Variants in LRP6 observed in about 807,000 individuals in gnomAD.
LRP6 encodes the protein low-density lipoprotein receptor-related protein 6.
In LRP6, 43 loss-of-function variants were observed where a neutral mutation model predicts 184.1. That is an observed-to-expected ratio of 0.23 (90% CI 0.18 to 0.30). LRP6 has a LOEUF of 0.30. LRP6 is among the 10% of genes least tolerant of loss of function. The pLI, the probability that LRP6 is intolerant of heterozygous loss-of-function variation, is 1.00. For missense variants in LRP6, 1,571 were observed against 2,005.3 expected (o/e 0.78, Z 4.14); for synonymous variants, 719 against 684.9 (o/e 1.05, Z -0.78).
At chr12:12,215,787 G>A (rs1565661464) in intron 2 of LRP6, among the ~76,000 whole-genome samples, 1 of 151,790 alleles carries the variant, frequency 6.6e-6, no homozygotes, top group Non-Finnish European at 1.5e-5. Context: ...CAAGGTGGGA[G>A]GATCACCTGA....
At chr12:12,248,564 G>A (rs890699555) in intron 1 of LRP6, among the ~76,000 whole-genome samples, 6 of 139,364 alleles carry the variant, frequency 4.3e-5, no homozygotes, top group African/African-American at 1.6e-4. Context: ...TCACTGCAAG[G>A]TCCGCCTCCC....
At chr12:12,211,704 T>C (rs1864215819) in intron 2 of LRP6, among the ~76,000 whole-genome samples, 1 of 152,184 alleles carries the variant, frequency 6.6e-6, no homozygotes, top group Non-Finnish European at 1.5e-5. Flanking sequence ...AAGAACCTCA[T>C]GAACAGCCTT....
At position 12,164,369 on chromosome 12, in the gene LRP6, A is replaced by G; in HGVS notation, c.1956T>C (p.Asn652=). 1 of 1,614,148 alleles carries G rather than the reference A, an allele frequency of 6.2e-7. No individual in the cohort carries two copies. The highest frequency in any genetic ancestry group is 1.1e-5 in the South Asian group (1 of 91,072). The change falls in exon 9 of 23, where the codon AAT becomes AAC. Residue 652 remains asparagine, a synonymous_variant. Transcript: ENST00000261349. Reference sequence around the variant, plus strand: ...CACCAGTGAGTGGAATAGCCACATTATTATTGTTTGTTTCCAGAGAAATTC... The same window carrying G: ...CACCAGTGAGTGGAATAGCCACATTGTTATTGTTTGTTTCCAGAGAAATTC... The part of the protein sequence containing the change: ...IRRISLETNN[N]NVAIPLTGVK...
At chr12:12,168,812 G>C (rs769059406) in intron 7 of LRP6, among the ~76,000 whole-genome samples, 1 of 152,198 alleles carries the variant, frequency 6.6e-6, no homozygotes, top group East Asian at 1.9e-4. Context: ...TTGTATTCCT[G>C]AATTCAGACT....
At chr12:12,183,849 G>C in intron 5 of LRP6, 131 bp downstream of exon 5, 1 of 757,096 alleles carries the variant, frequency 1.3e-6, no homozygotes, top group Non-Finnish European at 2.3e-6. Flanking sequence ...CTATAACCAT[G>C]TGTGAAGACT....
At chr12:12,167,868 A>G (rs1862930281) in intron 7 of LRP6, among the ~76,000 whole-genome samples, 1 of 152,166 alleles carries the variant, frequency 6.6e-6, no homozygotes, top group African/African-American at 2.4e-5. Context: ...CATAAATATA[A>G]AAGAATATAT....
chr12:12,145,802 C>T (rs1479930736), intron 15 of LRP6, among the ~76,000 whole-genome samples: 1 of 151,446 alleles, frequency 6.6e-6, no homozygotes, highest in Non-Finnish European at 1.5e-5. Flanking sequence ...TGGCTATTTT[C>T]TGTATTTTTA....
intron 8 of LRP6, 42 bp downstream of exon 8, chr12:12,165,037 A>G: frequency 6.7e-7 from 1 of 1,502,106 alleles, no homozygotes; most frequent in Non-Finnish European, 9.2e-7. Context: ...ATCTTTTTTC[A>G]TTCCTGGTTC....
chr12:12,188,435 A>G (rs574279193), intron 3 of LRP6, among the ~76,000 whole-genome samples: 29 of 152,272 alleles, frequency 1.9e-4, no homozygotes, highest in African/African-American at 6.7e-4. Context: ...AAGAGAAATT[A>G]AAAGTATCAT....
intron 1 of LRP6, among the ~76,000 whole-genome samples, chr12:12,248,146 T>G (rs1487162306): frequency 6.6e-6 from 1 of 152,310 alleles, no homozygotes; most frequent in South Asian, 2.1e-4. Context: ...GCCTTCCTCC[T>G]AAGGCTAAAG....
At chr12:12,206,679 A>G (rs1864067335) in intron 2 of LRP6, among the ~76,000 whole-genome samples, 1 of 152,144 alleles carries the variant, frequency 6.6e-6, no homozygotes, top group South Asian at 2.1e-4. Flanking sequence ...AGGCCAAGGC[A>G]GGAGGACTGT....
At chr12:12,177,068 G>C (rs995990190) in intron 7 of LRP6, among the ~76,000 whole-genome samples, 2 of 151,828 alleles carry the variant, frequency 1.3e-5, no homozygotes. Context: ...GGCTGGTCTC[G>C]AACTCCTGAC....
intron 2 of LRP6, among the ~76,000 whole-genome samples, chr12:12,210,443 G>GACC (rs1270493670): frequency 1.3e-5 from 2 of 152,184 alleles, no homozygotes; most frequent in African/African-American, 4.8e-5. Context: ...TCTGTATCCA[G>GACC]ACCACCAGTC....
rs898503469 is a variant in LRP6 at position 12,116,771 on chromosome 12, C to T, written c.*4355G>A. 1 of 151,976 alleles carries T rather than the reference C, an allele frequency of 6.6e-6. No homozygotes were observed. Among genetic ancestry groups the T allele is most frequent in the African/African-American group, 2.4e-5 (1 of 41,358 alleles). 9.4% of individuals were successfully genotyped at this position (151,976 alleles called of 1,614,324 possible). On this transcript the variant is annotated 3_prime_UTR_variant, in exon 23 of 23. Coordinates refer to ENST00000261349, the MANE Select transcript of LRP6 (RefSeq NM_002336.3). Reference sequence around the variant, plus strand: ...AGATTTTTTTCAGCAATAAACTCAACAATTTGAGAATGCTTTATGAAAAAG... The same window carrying T: ...AGATTTTTTTCAGCAATAAACTCAATAATTTGAGAATGCTTTATGAAAAAG...
At chr12:12,203,465 T>C in intron 2 of LRP6, 65 bp from the exon 3 acceptor site, 2 of 1,353,478 alleles carry the variant, frequency 1.5e-6, no homozygotes, top group Non-Finnish European at 2.1e-6. Context: ...TCTGTAATTA[T>C]TACTATTAAA....
At position 12,126,671 on chromosome 12, in the gene LRP6, A is replaced by G. The variant is rs146357637; in HGVS notation, c.4312+20T>C. On this transcript the variant is annotated intron_variant, in intron 20 of 22. Coordinates refer to ENST00000261349, the MANE Select transcript of LRP6 (RefSeq NM_002336.3). ...TGCAGGACCAAAGACTTGATTCTCA[A>G]TGGATCCATCCTGACTCACCTGGAA... 599 of 1,595,596 alleles carry G rather than the reference A, an allele frequency of 3.8e-4. 5 individuals carry two copies. In the East Asian group the frequency reaches 0.012, roughly 33 times the overall value.
intron 6 of LRP6, among the ~76,000 whole-genome samples, chr12:12,180,774 C>T (rs1344314253): frequency 1.3e-5 from 2 of 151,844 alleles, no homozygotes; most frequent in African/African-American, 4.8e-5. Context: ...GGTAATGATG[C>T]AATCCGAGCA....
rs76319764 is a variant in LRP6 at position 12,184,115 on chromosome 12, T to C, written c.845-4A>G. 2 of 1,612,658 alleles carry C rather than the reference T, an allele frequency of 1.2e-6. No individual in the cohort carries two copies. The highest frequency in any genetic ancestry group is 1.7e-6 in the Non-Finnish European group (2 of 1,178,798). ...TCAATTCCACATGGATTTGTGGCTG[T>C]CAAATATAAATCACATTGATTAATA... On this transcript the variant is annotated splice_region_variant and splice_polypyrimidine_tract_variant and intron_variant, in intron 4 of 22. Transcript: ENST00000261349.
At chr12:12,239,548 C>T (rs965526505) in intron 2 of LRP6, among the ~76,000 whole-genome samples, 2 of 152,150 alleles carry the variant, frequency 1.3e-5, no homozygotes, top group Non-Finnish European at 2.9e-5. Flanking sequence ...ACCCCTCCTT[C>T]CAAAATCTTA....
Sources: gnomAD v4.1 joint callset for allele counts (sites outside exome capture counted in the v4.1 genomes callset) on GRCh38, gnomAD v4.1.1 for gene constraint, MANE v1.5 for transcripts, NCBI Gene and HGNC (gene_info 2026-07-23, HGNC 2026-07-21) for gene names.